The following ANKS1B variants were observed in gnomAD, a reference collection of about 807,000 sequenced individuals.
The protein encoded by ANKS1B is ankyrin repeat and sterile alpha motif domain-containing protein 1B.
In ANKS1B, 36 loss-of-function variants were observed where a neutral mutation model predicts 148.3. That is an observed-to-expected ratio of 0.24 (90% confidence interval 0.19 to 0.32). ANKS1B has a LOEUF of 0.32. Ranked by LOEUF, ANKS1B falls within the 10% of genes least tolerant of loss-of-function variation. The pLI, the probability that ANKS1B is intolerant of heterozygous loss-of-function variation, is 1.00. For synonymous variants in ANKS1B, 542 were observed against 560.8 expected, an observed-to-expected ratio of 0.97 and a Z score of 0.47; for missense variants, 1,157 against 1,542.6, an observed-to-expected ratio of 0.75 and a Z score of 4.19.
chr12:98,763,076 G>T (rs977873936), intron 25 of ANKS1B, among the ~76,000 whole-genome samples: 1 of 152,182 alleles, frequency 6.6e-6, no homozygotes, highest in Non-Finnish European at 1.5e-5. Flanking sequence ...TGCCACAGGG[G>T]GCCTGAAGAC....
At chr12:99,042,496 G>A (rs143028944) in intron 17 of ANKS1B, among the ~76,000 whole-genome samples, 100 of 152,216 alleles carry the variant, frequency 6.6e-4, no homozygotes, top group African/African-American at 2.3e-3. Context: ...AGCCTAAATC[G>A]CTGACCCACA....
intron 10 of ANKS1B, among the ~76,000 whole-genome samples, chr12:99,473,709 A>T (rs1414234294): frequency 2.0e-5 from 3 of 152,026 alleles, no homozygotes; most frequent in African/African-American, 7.2e-5. Context: ...TTTATTGGTT[A>T]TTCAAAATTC....
chr12:99,657,650 T>TACATATATAA (rs1341813877), intron 8 of ANKS1B, among the ~76,000 whole-genome samples: 1 of 136,036 alleles, frequency 7.4e-6, no homozygotes, highest in African/African-American at 2.8e-5. Context: ...AAAGAGTATA[T>TACATATATAA]ATATATATAT....
At chr12:99,218,107 G>A (rs1192809607) in intron 14 of ANKS1B, among the ~76,000 whole-genome samples, 1 of 152,054 alleles carries the variant, frequency 6.6e-6, no homozygotes, top group Non-Finnish European at 1.5e-5. Context: ...TACTCTAGAG[G>A]CCATATTAAC....
intron 1 of ANKS1B, among the ~76,000 whole-genome samples, chr12:99,913,348 C>CA (rs2094065838): frequency 6.6e-6 from 1 of 152,098 alleles, no homozygotes; most frequent in Non-Finnish European, 1.5e-5. Flanking sequence ...AAGGAAACAT[C>CA]AAATTTTGTA....
intron 11 of ANKS1B, among the ~76,000 whole-genome samples, chr12:99,401,615 T>C (rs1413287982): frequency 6.8e-6 from 1 of 146,774 alleles, no homozygotes; most frequent in African/African-American, 2.6e-5. Flanking sequence ...CTACAAATAT[T>C]TGCTGAACAT....
chr12:99,693,812 G>A (rs1248405631), intron 8 of ANKS1B, among the ~76,000 whole-genome samples: 2 of 136,402 alleles, frequency 1.5e-5, no homozygotes, highest in Non-Finnish European at 3.0e-5. Flanking sequence ...ATGGAATCTC[G>A]CTCTGTCACC....
intron 15 of ANKS1B, among the ~76,000 whole-genome samples, chr12:99,143,781 T>C (rs896836344): frequency 6.6e-6 from 1 of 152,014 alleles, no homozygotes; most frequent in Non-Finnish European, 1.5e-5. Flanking sequence ...GCCATTTTTT[T>C]CTTCTCTCTC....
At chr12:99,060,696 C>CACAT (rs1411342805) in intron 16 of ANKS1B, among the ~76,000 whole-genome samples, 1 of 83,608 alleles carries the variant, frequency 1.2e-5, no homozygotes, top group Non-Finnish European at 2.5e-5. Context: ...CACACACACA[C>CACAT]ACACATATAT....
intron 15 of ANKS1B, among the ~76,000 whole-genome samples, chr12:99,149,269 C>A (rs2074182988): frequency 6.6e-6 from 1 of 151,918 alleles, no homozygotes; most frequent in Admixed American, 6.6e-5. Context: ...TAAAATGCAC[C>A]ATAGCAATGG....
rs530147498 is a variant in ANKS1B, at chr12:99,713,136, T to A, written c.1129-57926A>T. Among the ~76,000 whole-genome samples, 18 of 152,302 alleles carry A rather than the reference T, an allele frequency of 1.2e-4. No individual in the cohort carries two copies. The South Asian group carries it at 2.5e-3, about 21-fold the overall frequency. ...AACAAGAGGCTCTTCCACAAATATA[T>A]GCAGGATAATCCCATTTTTATTCCT... is the stretch of plus-strand genomic sequence containing the variant. On this transcript the variant is annotated intron_variant, in intron 8 of 26. Coordinates refer to ENST00000683438, the MANE Select transcript of ANKS1B (RefSeq NM_001352186.2).
chr12:99,432,554 G>T (rs1594717239), intron 11 of ANKS1B, among the ~76,000 whole-genome samples: 2 of 152,294 alleles, frequency 1.3e-5, no homozygotes, highest in South Asian at 4.2e-4. Context: ...ATCCATTCCA[G>T]GTGGGAAGAA....
chr12:98,891,570 T>C (rs895213995), intron 17 of ANKS1B, among the ~76,000 whole-genome samples: 14 of 152,244 alleles, frequency 9.2e-5, no homozygotes, highest in Non-Finnish European at 1.5e-4. Flanking sequence ...TTGACAGTTA[T>C]GTGGGAAGAT....
At chr12:99,294,442 A>C (rs2080532858) in intron 12 of ANKS1B, among the ~76,000 whole-genome samples, 1 of 152,202 alleles carries the variant, frequency 6.6e-6, no homozygotes, top group South Asian at 2.1e-4. Flanking sequence ...TTAACTTCAC[A>C]TGTTCTCACT....
intron 25 of ANKS1B, among the ~76,000 whole-genome samples, chr12:98,767,852 T>G (rs1328335867): frequency 6.6e-6 from 1 of 152,242 alleles, no homozygotes; most frequent in African/African-American, 2.4e-5. Context: ...CTCTCACCTA[T>G]AGTGGCCTTT....
Position 99,193,800 on chromosome 12 carries a change from T to A in ANKS1B, c.2420-39405A>T, listed in dbSNP as rs552515823. Among the ~76,000 whole-genome samples the A allele has an allele frequency of 7.6e-3, 991 of 131,058 alleles. 23 individuals are homozygous for A. Among genetic ancestry groups the A allele is most frequent in the African/African-American group, 0.026 (926 of 35,622 alleles). The allele number at this position is 131,058 out of a possible 152,430, so 86.0% of individuals were successfully genotyped here. On this transcript the variant is annotated intron_variant, in intron 14 of 26. Coordinates refer to ENST00000683438, the MANE Select transcript of ANKS1B (RefSeq NM_001352186.2). The stretch of plus-strand genomic sequence containing the variant: ...TTCCATGTATTTCTAGTTCTTTTTT[T>A]TTTTTTTTTTTTTTTTTTTGAGATG...
intron 25 of ANKS1B, among the ~76,000 whole-genome samples, chr12:98,757,845 G>C (rs926288553): frequency 2.0e-5 from 3 of 152,140 alleles, no homozygotes; most frequent in Admixed American, 1.3e-4. Context: ...TAAGTCTTTT[G>C]AGACACATTT....
intron 17 of ANKS1B, among the ~76,000 whole-genome samples, chr12:98,910,690 G>A (rs912076505): frequency 2.1e-4 from 32 of 152,288 alleles, no homozygotes; most frequent in Admixed American, 1.6e-3. Flanking sequence ...GTTGTAAATA[G>A]TGCATTTAAA....
intron 9 of ANKS1B, among the ~76,000 whole-genome samples, chr12:99,586,957 G>T (rs1204682844): frequency 1.3e-5 from 2 of 152,054 alleles, no homozygotes; most frequent in Non-Finnish European, 2.9e-5. Flanking sequence ...TTCAAGATGA[G>T]ATTTGGGTGG....
Sources: allele counts gnomAD v4.1 joint callset (sites outside exome capture counted in the v4.1 genomes callset), GRCh38; gene constraint gnomAD v4.1.1; transcripts MANE v1.5; gene names NCBI Gene and HGNC (gene_info 2026-07-23, HGNC 2026-07-21).